FAXDC2: variants seen among roughly 807,000 people sequenced by gnomAD.
FAXDC2 encodes fatty acid hydroxylase domain containing 2, also known as fatty acid hydroxylase domain-containing protein 2.
FAXDC2 carries 41 observed loss-of-function variants against 40.9 expected under a neutral mutation model. That is an observed-to-expected ratio of 1.00 (90% CI 0.78 to 1.30). The LOEUF (loss-of-function observed/expected upper bound fraction) is 1.30. Ranked by LOEUF, FAXDC2 falls within the 50% of genes most tolerant of loss-of-function variation. The pLI is 0.00. For synonymous variants in FAXDC2, 157 were observed against 149.3 expected (o/e 1.05, Z -0.38); for missense variants, 390 against 408.8 (o/e 0.95, Z 0.40).
intron 5 of FAXDC2, chr5:154,824,543 C>G (rs770738718): frequency 7.1e-6 from 5 of 702,604 alleles, no homozygotes; most frequent in Non-Finnish European, 1.3e-5. Flanking sequence ...CATTGCGAGG[C>G]CAGGTCTCGC....
intron 3 of FAXDC2, 48 bp downstream of exon 3, chr5:154,834,795 C>T (rs562932616): frequency 2.5e-6 from 4 of 1,586,538 alleles, no homozygotes; most frequent in South Asian, 1.1e-5. Context: ...CTATGCTCTG[C>T]CCCCGACCAC....
chr5:154,819,979 C>A lies in FAXDC2; in HGVS notation c.*337G>T, dbSNP rs1582516066. On this transcript the variant is annotated 3_prime_UTR_variant, in exon 9 of 9. Transcript: ENST00000326080. Reference sequence around the variant, plus strand: ...CTTTCAGCCTTGTCATTCTCTGCATCCTGCCCAGGCCACAAAGGAGTTATC... The same window carrying A: ...CTTTCAGCCTTGTCATTCTCTGCATACTGCCCAGGCCACAAAGGAGTTATC... 1 of 184,990 alleles carries A rather than the reference C, an allele frequency of 5.4e-6. No homozygotes were observed. Among genetic ancestry groups the A allele is most frequent in the South Asian group, 1.5e-4 (1 of 6,688 alleles). 11.5% of individuals were successfully genotyped at this position (184,990 alleles called of 1,614,324 possible). A position where few individuals can be genotyped will look rare whatever the true frequency, so the allele number is the denominator to read the frequency against.
At position 154,839,397 on chromosome 5, in the gene FAXDC2, C is replaced by T. The variant is rs542464621; in HGVS notation, c.1-1219G>A. Among the ~76,000 whole-genome samples the T allele has an allele frequency of 4.6e-5, 7 of 151,400 alleles. No individual in the cohort carries two copies. In the East Asian group the frequency reaches 1.4e-3, roughly 29 times the overall value. ...GTTGCCCACACCTGTAGTCCCAACA[C>T]TTGGGGAGGCCAAGGCAGGAGGATC... On this transcript the variant is annotated intron_variant, in intron 1 of 8. Transcript: ENST00000326080.
intron 1 of FAXDC2, 102 bp from the exon 2 acceptor site, chr5:154,838,280 GAAA>G (rs112016466): frequency 1.3e-6 from 1 of 770,388 alleles, no homozygotes; most frequent in Non-Finnish European, 1.9e-6. Context: ...AGTGATTTTT[GAAA>G]AAAAAAAAAA....
In FAXDC2 at chr5:154,823,433, C is replaced by G; in HGVS notation, c.526G>C (p.Ala176Pro). The G allele has an allele frequency of 6.2e-7, 1 of 1,614,050 alleles. No homozygotes were observed. Among genetic ancestry groups the G allele is most frequent in the Non-Finnish European group, 8.5e-7 (1 of 1,180,022 alleles). Residue 176 changes from alanine (A) to proline (P), a missense_variant, in exon 6 of 9, where the codon GCC (alanine) becomes CCC (proline). Transcript: ENST00000326080. ...ACTTCCTCGATCAGCGTGAAGATGG[C>G]CAGCTCCAGGAGGAACCAGTGGAAG... ...PTFHWFLLEL[A>P]IFTLIEEVLF...
intron 5 of FAXDC2, among the ~76,000 whole-genome samples, chr5:154,827,177 C>T (rs537320521): frequency 1.2e-4 from 18 of 152,082 alleles, no homozygotes; most frequent in African/African-American, 2.9e-4. Context: ...TGATGGCACA[C>T]GCCTGTAATC....
intron 1 of FAXDC2, among the ~76,000 whole-genome samples, chr5:154,846,456 A>G (rs1760602541): frequency 6.6e-6 from 1 of 152,196 alleles, no homozygotes; most frequent in Non-Finnish European, 1.5e-5. Flanking sequence ...TTTCCAGAGA[A>G]AGTAGGAGGA....
intron 5 of FAXDC2, 115 bp downstream of exon 5, chr5:154,830,686 C>G: frequency 8.2e-7 from 1 of 1,224,476 alleles, no homozygotes; most frequent in South Asian, 1.4e-5. Flanking sequence ...AGCCTTGTTG[C>G]TAATAACTTG....
chr5:154,848,927 A>G (rs1760670354), intron 1 of FAXDC2, among the ~76,000 whole-genome samples: 1 of 151,918 alleles, frequency 6.6e-6, no homozygotes, highest in Non-Finnish European at 1.5e-5. Flanking sequence ...AGATCATGCC[A>G]CTGCACTCCA....
Position 154,830,813 on chromosome 5 carries a change from G to C in FAXDC2, c.354C>G (p.Gly118=), listed in dbSNP as rs780257228. ...CAACAACACTTACAGGTTCATTCTT[G>C]CCGACCTGAATTCGGTAGCGAGAGA... The part of the protein sequence containing the change: ...NFISRYRIQV[G]KNEPVDPVKL... Residue 118 remains glycine, a synonymous_variant, in exon 5 of 9, where the codon GGC becomes GGG. Transcript: ENST00000326080. 6.2e-7 allele frequency: 1 copy of C among 1,613,968 alleles called. No homozygotes were observed. Among genetic ancestry groups the C allele is most frequent in the East Asian group, 2.2e-5 (1 of 44,896 alleles).
At chr5:154,838,708 C>T (rs2113159625) in intron 1 of FAXDC2, 1 of 157,598 alleles carries the variant, frequency 6.3e-6, no homozygotes, top group East Asian at 1.9e-4. Flanking sequence ...ACGCCATTCT[C>T]CTGCTCAGCC....
At chr5:154,827,360 A>G (rs1480239655) in intron 5 of FAXDC2, among the ~76,000 whole-genome samples, 1 of 151,260 alleles carries the variant, frequency 6.6e-6, no homozygotes, top group East Asian at 1.9e-4. Context: ...CAGGAATTGG[A>G]AACTATAAAG....
At chr5:154,842,512 GTTTTTTT>G (rs772426610) in intron 1 of FAXDC2, among the ~76,000 whole-genome samples, 3 of 51,584 alleles carry the variant, frequency 5.8e-5, no homozygotes, top group Admixed American at 2.5e-4. Context: ...CCCTTTGTGT[GTTTTTTT>G]TTTTTTTTTT....
rs1397422507 is a variant in FAXDC2 at position 154,823,518 on chromosome 5, C to T, written c.441G>A (p.Val147=). ...ATTTGAGGAAGGGATAGAGGAAGACCACCATGGGGAAAGATATCATGCACT... is the reference window on the plus strand; with the variant it reads ...ATTTGAGGAAGGGATAGAGGAAGACTACCATGGGGAAAGATATCATGCACT... ...FNQCMISFPM[V]VFLYPFLKWW... is the part of the protein sequence containing the mutation. The change falls in exon 6 of 9, where the codon GTG becomes GTA. Residue 147 remains valine, a synonymous_variant. Transcript: ENST00000326080. 3 of 1,614,052 alleles carry T rather than the reference C, an allele frequency of 1.9e-6. No individual in the cohort carries two copies. The highest frequency in any genetic ancestry group is 1.1e-5 in the South Asian group (1 of 91,078).
intron 1 of FAXDC2, among the ~76,000 whole-genome samples, chr5:154,848,986 A>C (rs1257322333): frequency 4.0e-5 from 6 of 149,694 alleles, no homozygotes; most frequent in Non-Finnish European, 8.9e-5. Context: ...AAAAAAAACA[A>C]AGATGAAATG....
chr5:154,820,344 A>T lies in FAXDC2; in HGVS notation c.974T>A (p.Ile325Asn), dbSNP rs1299352973. ...LLGFTPLSES[I>N]PDSPKRME ...CTCCATCCTCTTTGGGGAGTCTGGG[A>T]TGCTCTCAGAGAGCGGGGTGAAGCC... Residue 325 changes from isoleucine to asparagine, a missense_variant, in exon 9 of 9, where the codon ATC (isoleucine) becomes AAC (asparagine). Coordinates refer to ENST00000326080, the MANE Select transcript of FAXDC2 (RefSeq NM_032385.5). 6.2e-7 allele frequency: 1 copy of T among 1,612,686 alleles called. No individual in the cohort carries two copies. The highest frequency in any genetic ancestry group is 8.5e-7 in the Non-Finnish European group (1 of 1,179,394).
At position 154,830,818 on chromosome 5, in the gene FAXDC2, C is replaced by T. The variant is rs991900381; in HGVS notation, c.349G>A (p.Val117Ile). The T allele has an allele frequency of 6.2e-7, 1 of 1,614,080 alleles. No homozygotes were observed. The highest frequency in any genetic ancestry group is 1.1e-5 in the South Asian group (1 of 91,070). ...PNFISRYRIQ[V>I]GKNEPVDPVK... ...ACACTTACAGGTTCATTCTTGCCGA[C>T]CTGAATTCGGTAGCGAGAGATGAAG... Residue 117 changes from valine (V) to isoleucine (I), a missense_variant, in exon 5 of 9, where the codon GTC becomes ATC. Val to Ile is a conservative substitution (Grantham distance 29). Transcript: ENST00000326080.
At position 154,821,250 on chromosome 5, in the gene FAXDC2, A is replaced by G. The variant is rs2113117687; in HGVS notation, c.845+10T>C. 1 of 1,609,522 alleles carries G rather than the reference A, an allele frequency of 6.2e-7. No individual in the cohort carries two copies. The highest frequency in any genetic ancestry group is 8.5e-7 in the Non-Finnish European group (1 of 1,177,588). On this transcript the variant is annotated intron_variant, in intron 8 of 8. Transcript: ENST00000326080. ...TGCCTAGGGACCCATTGTGGGGAGA[A>G]GGTCCTTACTTGAGATGGTGGTAGT... is the stretch of plus-strand genomic sequence containing the variant.
In FAXDC2 at chr5:154,818,984, A is replaced by G. The variant is rs1391405872; in HGVS notation, c.*1332T>C. The G allele has an allele frequency of 2.0e-5, 3 of 152,228 alleles. No homozygotes were observed. Among genetic ancestry groups the G allele is most frequent in the African/African-American group, 4.8e-5 (2 of 41,440 alleles). 9.4% of individuals were successfully genotyped at this position (152,228 alleles called of 1,614,324 possible). A position where few individuals can be genotyped will look rare whatever the true frequency, so the allele number is the denominator to read the frequency against. On this transcript the variant is annotated 3_prime_UTR_variant, in exon 9 of 9. Transcript: ENST00000326080. ...GAAGGCCAGGGAGATGCTGCCTGGT[A>G]AGTGCTCAGCTGGCCTACTGGGCAA...
Sources: gnomAD v4.1 joint callset for allele counts (sites outside exome capture counted in the v4.1 genomes callset) on GRCh38, gnomAD v4.1.1 for gene constraint, MANE v1.5 for transcripts, NCBI Gene and HGNC (gene_info 2026-07-23, HGNC 2026-07-21) for gene names.